MAGI1: variants seen among roughly 807,000 people sequenced by gnomAD.
MAGI1 encodes the protein membrane-associated guanylate kinase, WW and PDZ domain-containing protein 1.
MAGI1 carries 58 observed loss-of-function variants against 139.9 expected under a neutral mutation model. The observed-to-expected ratio is 0.41, with a 90% CI of 0.34 to 0.52. MAGI1 has a LOEUF of 0.52. Among genes scored for constraint, MAGI1 ranks in the 20% least tolerant of loss-of-function variants. The pLI is 0.12. For synonymous variants in MAGI1, 812 were observed against 737.9 expected (o/e 1.10, Z -1.63); for missense variants, 1,874 against 1,901.6 (o/e 0.99, Z 0.27).
chr3:65,847,016 T>C (rs948226610), intron 1 of MAGI1, among the ~76,000 whole-genome samples: 18 of 141,436 alleles, frequency 1.3e-4, no homozygotes, highest in African/African-American at 4.8e-4. Context: ...CATTTGTTTA[T>C]ACCAATTTTA....
At chr3:65,592,231 A>G (rs996560858) in intron 2 of MAGI1, among the ~76,000 whole-genome samples, 3 of 152,326 alleles carry the variant, frequency 2.0e-5, no homozygotes, top group Middle Eastern at 3.4e-3. Flanking sequence ...ACCTAACAAA[A>G]GTAGGTTCCA....
chr3:65,674,734 C>G (rs965396509), intron 1 of MAGI1, among the ~76,000 whole-genome samples: 3 of 152,084 alleles, frequency 2.0e-5, no homozygotes, highest in African/African-American at 7.2e-5. Flanking sequence ...CTATGCAACC[C>G]GCTGTATAAT....
At chr3:65,420,864 T>C (rs1433354867) in intron 12 of MAGI1, among the ~76,000 whole-genome samples, 1 of 152,234 alleles carries the variant, frequency 6.6e-6, no homozygotes, top group Non-Finnish European at 1.5e-5. Context: ...GAGACATTGC[T>C]TTGTAGAACA....
chr3:65,952,093 G>T (rs1436756221), intron 1 of MAGI1, among the ~76,000 whole-genome samples: 2 of 152,162 alleles, frequency 1.3e-5, no homozygotes, highest in African/African-American at 4.8e-5. Flanking sequence ...CTCAAATTCA[G>T]TTAGGGGTTA....
chr3:65,521,300 C>T (rs1008621586), intron 2 of MAGI1, among the ~76,000 whole-genome samples: 1 of 151,722 alleles, frequency 6.6e-6, no homozygotes, highest in African/African-American at 2.4e-5. Flanking sequence ...AAAATTCTGA[C>T]CTCACAGCTA....
At chr3:65,835,641 G>A (rs889075280) in intron 1 of MAGI1, among the ~76,000 whole-genome samples, 17 of 152,164 alleles carry the variant, frequency 1.1e-4, no homozygotes, top group African/African-American at 4.1e-4. Context: ...TCTGTCTGGT[G>A]TATTTACTTT....
intron 1 of MAGI1, among the ~76,000 whole-genome samples, chr3:65,977,764 G>A (rs1417198885): frequency 1.3e-5 from 2 of 151,676 alleles, no homozygotes; most frequent in Admixed American, 1.3e-4. Flanking sequence ...TGACCTGAAA[G>A]GCCCTACAGG....
chr3:65,487,938 T>A (rs1263716815), intron 3 of MAGI1, among the ~76,000 whole-genome samples: 1 of 152,220 alleles, frequency 6.6e-6, no homozygotes, highest in Non-Finnish European at 1.5e-5. Context: ...TGAGTTTATG[T>A]TGAATTAAAG....
At chr3:65,882,934 C>CAAA (rs10574443) in intron 1 of MAGI1, among the ~76,000 whole-genome samples, 75 of 87,022 alleles carry the variant, frequency 8.6e-4, no homozygotes, top group East Asian at 6.8e-3. Context: ...GACCCTGTCT[C>CAAA]AAAAAAAAAA....
chr3:65,685,580 TAAG>T (rs2087953285), intron 1 of MAGI1, among the ~76,000 whole-genome samples: 1 of 152,208 alleles, frequency 6.6e-6, no homozygotes, highest in Non-Finnish European at 1.5e-5. Context: ...TATTTTCAGT[TAAG>T]AAACTATCTG....
At chr3:65,609,751 AT>A in intron 2 of MAGI1, 6 of 329,290 alleles carry the variant, frequency 1.8e-5, no homozygotes, top group South Asian at 5.2e-5. Flanking sequence ...TACCTGGGTA[AT>A]TTTTTGTAGA....
At chr3:65,769,340 G>A (rs1053926072) in intron 1 of MAGI1, among the ~76,000 whole-genome samples, 7 of 152,030 alleles carry the variant, frequency 4.6e-5, no homozygotes, top group African/African-American at 1.4e-4. Context: ...GTTCATAAGC[G>A]TAGTAGAGCA....
chr3:65,872,727 A>T (rs940726457), intron 1 of MAGI1: 10 of 152,250 alleles, frequency 6.6e-5, no homozygotes, highest in Admixed American at 1.3e-4. Context: ...AATATTATAC[A>T]ACCAATAAAA....
intron 2 of MAGI1, among the ~76,000 whole-genome samples, chr3:65,600,339 T>C (rs2082419831): frequency 6.6e-6 from 1 of 152,166 alleles, no homozygotes; most frequent in South Asian, 2.1e-4. Flanking sequence ...AAAATAGCCG[T>C]CATTTTGGTT....
At chr3:65,474,926 C>T (rs755119260) in intron 4 of MAGI1, among the ~76,000 whole-genome samples, 9 of 152,252 alleles carry the variant, frequency 5.9e-5, no homozygotes, top group Admixed American at 2.6e-4. Flanking sequence ...GGTATTTGAC[C>T]TCCCTGGTAT....
At chr3:66,010,109 C>T (rs1238923978) in intron 1 of MAGI1, among the ~76,000 whole-genome samples, 10 of 117,018 alleles carry the variant, frequency 8.5e-5, no homozygotes, top group Admixed American at 2.7e-4. Flanking sequence ...AAAAAAGAAT[C>T]ATTGTTTATT....
Position 65,813,225 on chromosome 3 carries a change from C to T in MAGI1, c.314-191137G>A, listed in dbSNP as rs2041391724. Among the ~76,000 whole-genome samples, 2 of 152,030 alleles carry T rather than the reference C, an allele frequency of 1.3e-5. 1 individual carries two copies. Among genetic ancestry groups the T allele is most frequent in the South Asian group, 4.2e-4 (2 of 4,818 alleles). ...CCTCTTTGTCTCACCAAGCGCCACA[C>T]CCCCATTTCTCCCAGCTTGTTCATG... On this transcript the variant is annotated intron_variant, in intron 1 of 22. Transcript: ENST00000402939.
chr3:65,476,832 A>G (rs1393075322), intron 4 of MAGI1, among the ~76,000 whole-genome samples: 1 of 152,198 alleles, frequency 6.6e-6, no homozygotes, highest in East Asian at 1.9e-4. Context: ...TCATTTTGGT[A>G]AGGGCCACTA....
At chr3:65,859,971 C>A (rs541174071) in intron 1 of MAGI1, among the ~76,000 whole-genome samples, 83 of 151,782 alleles carry the variant, frequency 5.5e-4, no homozygotes, top group African/African-American at 1.9e-3. Context: ...TCTCGGCTCA[C>A]TGCAACCTCT....
Sources: allele counts gnomAD v4.1 joint callset (sites outside exome capture counted in the v4.1 genomes callset), GRCh38; gene constraint gnomAD v4.1.1; transcripts MANE v1.5; gene names NCBI Gene and HGNC (gene_info 2026-07-23, HGNC 2026-07-21).